The following DNAH17 variants were observed in gnomAD, a reference collection of about 807,000 sequenced individuals.
DNAH17 encodes the protein axonemal beta dynein heavy chain 17.
DNAH17 carries 376 observed loss-of-function variants against 485.6 expected under a neutral mutation model. That is an observed-to-expected ratio of 0.77 (90% CI 0.71 to 0.84). The LOEUF (loss-of-function observed/expected upper bound fraction) is 0.84, where lower values mean the gene tolerates loss of function less well. DNAH17 is among the 40% of genes least tolerant of loss of function. The pLI, the probability that DNAH17 is intolerant of heterozygous loss-of-function variation, is 0.00. For synonymous variants in DNAH17, 3,031 were observed against 2,405.9 expected (o/e 1.26, Z -7.60); for missense variants, 6,370 against 5,839.3 (o/e 1.09, Z -2.96).
At position 78,507,812 on chromosome 17, in the gene DNAH17, G is replaced by A. The variant is rs951769247; in HGVS notation, c.4237-7C>T. On this transcript the variant is annotated splice_polypyrimidine_tract_variant and splice_region_variant and intron_variant, in intron 27 of 80. Transcript: ENST00000389840. ...TGTCCAGGGCTTTCAGCACCTTTTG[G>A]GGGAACAGAAAAATAAGGTCACTGA... The A allele has an allele frequency of 1.6e-5, 25 of 1,543,034 alleles. No homozygotes were observed. In the Admixed American group the frequency reaches 2.3e-4, roughly 14 times the overall value.
At chr17:78,512,940 CAAAAAAAAA>C (rs57734613) in intron 26 of DNAH17, among the ~76,000 whole-genome samples, 8 of 83,304 alleles carry the variant, frequency 9.6e-5, no homozygotes, top group East Asian at 3.6e-4. Context: ...GACTCTAACT[CAAAAAAAAA>C]AAAAAAAAAA....
intron 18 of DNAH17, among the ~76,000 whole-genome samples, chr17:78,538,376 C>T (rs2091434639): frequency 6.6e-6 from 1 of 152,116 alleles, no homozygotes; most frequent in Admixed American, 6.5e-5. Context: ...AAGTGCTCTT[C>T]CTGCCAAACT....
intron 62 of DNAH17, among the ~76,000 whole-genome samples, chr17:78,456,199 C>T (rs955416564): frequency 5.9e-5 from 9 of 152,056 alleles, no homozygotes; most frequent in South Asian, 4.1e-4. Context: ...TTCAAGAAGC[C>T]GAGGCGGGAG....
chr17:78,520,341 T>C (rs1325751541), intron 25 of DNAH17, among the ~76,000 whole-genome samples: 2 of 152,218 alleles, frequency 1.3e-5, no homozygotes, highest in Non-Finnish European at 2.9e-5. Context: ...ACCACTCTTA[T>C]TCAACAGAGT....
chr17:78,517,745 C>G (rs982679392), intron 25 of DNAH17, among the ~76,000 whole-genome samples: 7 of 152,342 alleles, frequency 4.6e-5, no homozygotes, highest in African/African-American at 1.4e-4. Context: ...AAAAAGTTGT[C>G]AGTTCTTTCA....
intron 47 of DNAH17, 166 bp from the exon 48 acceptor site, chr17:78,485,199 G>T: frequency 1.2e-6 from 1 of 827,802 alleles, no homozygotes. Flanking sequence ...GGGGGCACCG[G>T]GTACAGCCCC....
At chr17:78,470,173 A>G (rs1411928146) in intron 54 of DNAH17, among the ~76,000 whole-genome samples, 1 of 142,650 alleles carries the variant, frequency 7.0e-6, no homozygotes, top group Non-Finnish European at 1.5e-5. Context: ...TCCCGGGTTC[A>G]AGGAGTTCTC....
chr17:78,504,081 T>C (rs1361624696), intron 31 of DNAH17, among the ~76,000 whole-genome samples: 3 of 151,918 alleles, frequency 2.0e-5, no homozygotes, highest in African/African-American at 4.8e-5. Flanking sequence ...ATTTTTTTTT[T>C]TGGAGATGAA....
intron 52 of DNAH17, among the ~76,000 whole-genome samples, chr17:78,476,231 C>G (rs528661446): frequency 7.8e-6 from 1 of 128,868 alleles, no homozygotes; most frequent in African/African-American, 2.5e-5. Context: ...GGAGTTATCG[C>G]GTGGAACCCT....
intron 79 of DNAH17, 47 bp downstream of exon 79, chr17:78,426,410 C>T (rs776062302): frequency 3.3e-6 from 5 of 1,528,752 alleles, no homozygotes; most frequent in Non-Finnish European, 3.5e-6. Flanking sequence ...GCTCTGGGCA[C>T]TCGGTCCCCG....
intron 14 of DNAH17, among the ~76,000 whole-genome samples, chr17:78,556,557 T>TGG (rs905781591): frequency 6.6e-6 from 1 of 151,944 alleles, no homozygotes; most frequent in African/African-American, 2.4e-5. Context: ...TGGCTTGGGG[T>TGG]GGGGTCAAAG....
intron 3 of DNAH17, 130 bp downstream of exon 3, chr17:78,572,571 G>C: frequency 1.1e-6 from 1 of 876,856 alleles, no homozygotes; most frequent in South Asian, 1.8e-5. Context: ...CATTTCCCCG[G>C]CTTTAACATG....
In DNAH17 at chr17:78,450,005, G is replaced by A; in HGVS notation, c.11040+249C>T. On this transcript the variant is annotated intron_variant, in intron 68 of 80. Transcript: ENST00000389840. ...AGTTTGTTTTGATTGGGTTGTGAGTGCCTGGAGGCACCAGGGGAAGAGCAG... is the reference window on the plus strand; with the variant it reads ...AGTTTGTTTTGATTGGGTTGTGAGTACCTGGAGGCACCAGGGGAAGAGCAG... 2 of 548,880 alleles carry A rather than the reference G, an allele frequency of 3.6e-6. 1 individual carries two copies. Among genetic ancestry groups the A allele is most frequent in the South Asian group, 4.6e-5 (2 of 43,464 alleles). The allele number at this position is 548,880 out of a possible 1,614,324, so 34.0% of individuals were successfully genotyped here.
chr17:78,449,355 G>A (rs2087447281), intron 69 of DNAH17, 59 bp downstream of exon 69: 2 of 1,502,440 alleles, frequency 1.3e-6, no homozygotes, highest in Non-Finnish European at 1.8e-6. Context: ...AAAGCTCCCA[G>A]GGGTCAGTGA....
chr17:78,560,730 T>C lies in DNAH17; in HGVS notation c.2031+10A>G, dbSNP rs754811133. 2 of 1,545,894 alleles carry C rather than the reference T, an allele frequency of 1.3e-6. No individual in the cohort carries two copies. Among genetic ancestry groups the C allele is most frequent in the Admixed American group, 3.9e-5 (2 of 50,880 alleles). ...GAGCCTTTGACGCGGTCCCCACTCC[T>C]GGCACCCACCGCTTTGCTGAAGTTG... is the stretch of plus-strand genomic sequence containing the variant. On this transcript the variant is annotated intron_variant, in intron 13 of 80. Transcript: ENST00000389840.
chr17:78,451,140 G>C (rs1042739814), intron 66 of DNAH17, among the ~76,000 whole-genome samples: 2 of 152,268 alleles, frequency 1.3e-5, no homozygotes, highest in African/African-American at 4.8e-5. Context: ...AATGTGGCAG[G>C]TGCAAGGGCT....
At chr17:78,483,774 C>T (rs1479688499) in intron 48 of DNAH17, among the ~76,000 whole-genome samples, 1 of 152,140 alleles carries the variant, frequency 6.6e-6, no homozygotes, top group Non-Finnish European at 1.5e-5. Context: ...TTTCTAGGCT[C>T]TTTTGGCCTG....
chr17:78,513,585 G>C (rs146430049), intron 26 of DNAH17, among the ~76,000 whole-genome samples: 1,842 of 152,248 alleles, frequency 0.012, 42 homozygotes, highest in African/African-American at 0.043. Flanking sequence ...ACAGGTGTGC[G>C]CTACCACGCT....
At position 78,459,190 on chromosome 17, in the gene DNAH17, C is replaced by T. The variant is rs754749807; in HGVS notation, c.9672G>A (p.Pro3224=). The change falls in exon 61 of 81, where the codon CCG becomes CCA. Residue 3224 remains proline, a synonymous_variant. Transcript: ENST00000389840. ...AGCGGATGAACTCGGGGTCGAACGT[C>T]GGGTTGCCTTGGTAGGGCCTAGCGA... ...LKAFKPYQGN[P]TFDPEFIRSK... 9 of 1,613,760 alleles carry T rather than the reference C, an allele frequency of 5.6e-6. No individual in the cohort carries two copies. The highest frequency in any genetic ancestry group is 2.7e-5 in the African/African-American group (2 of 74,924).
Sources: allele counts gnomAD v4.1 joint callset (sites outside exome capture counted in the v4.1 genomes callset), GRCh38; gene constraint gnomAD v4.1.1; transcripts MANE v1.5; gene names NCBI Gene and HGNC (gene_info 2026-07-23, HGNC 2026-07-21).